The following EFCAB6 variants were observed in gnomAD, a reference collection of about 807,000 sequenced individuals.
EFCAB6 encodes the protein EF-hand calcium binding domain 6.
A neutral mutation model predicts 169.8 loss-of-function variants in EFCAB6; 156 were observed. That is an observed-to-expected ratio of 0.92 (90% CI 0.81 to 1.05). EFCAB6 has a LOEUF of 1.05. Ranked by LOEUF, EFCAB6 falls within the 50% of genes least tolerant of loss-of-function variation. The pLI, the probability that EFCAB6 is intolerant of heterozygous loss-of-function variation, is 0.00. For synonymous variants in EFCAB6, 698 were observed against 676.4 expected, an observed-to-expected ratio of 1.03 and a Z score of -0.50; for missense variants, 1,800 against 1,829.1, an observed-to-expected ratio of 0.98 and a Z score of 0.29.
At chr22:43,690,513 C>A (rs1469494537) in intron 10 of EFCAB6, among the ~76,000 whole-genome samples, 1 of 120,692 alleles carries the variant, frequency 8.3e-6, no homozygotes, top group Non-Finnish European at 1.8e-5. Context: ...AAGACTCCGT[C>A]TCAGAAAAAA....
At chr22:43,531,026 C>T in intron 30 of EFCAB6, 62 bp from the exon 31 acceptor site, 1 of 1,599,710 alleles carries the variant, frequency 6.3e-7, no homozygotes, top group Non-Finnish European at 8.5e-7. Context: ...GGGGTGGGCT[C>T]CTCCTCGCCT....
At chr22:43,697,948 C>G (rs543695834) in intron 10 of EFCAB6, among the ~76,000 whole-genome samples, 2 of 152,156 alleles carry the variant, frequency 1.3e-5, no homozygotes, top group African/African-American at 4.8e-5. Flanking sequence ...CTGATCATAT[C>G]GGTCATAGGG....
intron 15 of EFCAB6, 67 bp downstream of exon 15, chr22:43,671,906 G>C (rs2088096333): frequency 6.5e-7 from 1 of 1,550,296 alleles, no homozygotes; most frequent in African/African-American, 1.4e-5. Context: ...CACAGAAAAG[G>C]TTTAGAATTA....
chr22:43,685,812 C>T (rs2058172687), intron 11 of EFCAB6, among the ~76,000 whole-genome samples: 1 of 152,106 alleles, frequency 6.6e-6, no homozygotes, highest in Non-Finnish European at 1.5e-5. Flanking sequence ...TTCATCTGCT[C>T]ATATCTGTCA....
intron 7 of EFCAB6, 105 bp downstream of exon 7, chr22:43,735,752 G>T (rs2060112374): frequency 3.0e-6 from 4 of 1,315,336 alleles, no homozygotes; most frequent in Non-Finnish European, 4.2e-6. Flanking sequence ...GTGTGTGGCA[G>T]GGGGAGGTGA....
intron 12 of EFCAB6, 196 bp downstream of exon 12, chr22:43,683,551 C>G (rs2058081706): frequency 1.8e-5 from 10 of 562,232 alleles, no homozygotes; most frequent in Non-Finnish European, 3.2e-5. Flanking sequence ...TCCGTCTTCC[C>G]AACTAGACTC....
At chr22:43,623,914 AAAAAAAAAG>A (rs577542043) in intron 20 of EFCAB6, among the ~76,000 whole-genome samples, 5,703 of 150,018 alleles carry the variant, frequency 0.038, 115 homozygotes, top group South Asian at 0.094. Context: ...TTCTCAAAAA[AAAAAAAAAG>A]AAAAAAAAGA....
chr22:43,537,229 G>T lies in EFCAB6; in HGVS notation c.4048+148C>A. 1 of 988,328 alleles carries T rather than the reference G, an allele frequency of 1.0e-6. No individual in the cohort carries two copies. The highest frequency in any genetic ancestry group is 1.5e-6 in the Non-Finnish European group (1 of 663,328). 61.2% of individuals were successfully genotyped at this position (988,328 alleles called of 1,614,324 possible). Reference sequence around the variant, plus strand: ...CTCCATGGGGACCTTTGTATAGTAAGCTGCACAGCCCACCCAGAAGTTCCC... The same window carrying T: ...CTCCATGGGGACCTTTGTATAGTAATCTGCACAGCCCACCCAGAAGTTCCC... On this transcript the variant is annotated intron_variant, in intron 29 of 31. Coordinates refer to ENST00000262726, the MANE Select transcript of EFCAB6 (RefSeq NM_022785.4). This position sits in a 1 kb window ranked among gnomAD's most constrained non-coding sequence, Gnocchi z 4.3.
At chr22:43,599,859 T>C (rs2052363568) in intron 23 of EFCAB6, among the ~76,000 whole-genome samples, 1 of 152,174 alleles carries the variant, frequency 6.6e-6, no homozygotes, top group African/African-American at 2.4e-5. Context: ...TGATATAAGA[T>C]TGTGACTGGG....
At position 43,812,218 on chromosome 22, in the gene EFCAB6, C is replaced by A. The variant is rs377582053; in HGVS notation, c.-195G>T. The stretch of plus-strand genomic sequence containing the variant: ...CTAGCTGGGCCGGCACCCGCGTGCG[C>A]GGACCCCAAGCCGCGGGGTCTCAGA... On this transcript the variant is annotated 5_prime_UTR_variant, in exon 1 of 32. Transcript: ENST00000262726. 2 of 152,270 alleles carry A rather than the reference C, an allele frequency of 1.3e-5. No homozygotes were observed. Among genetic ancestry groups the A allele is most frequent in the African/African-American group, 4.8e-5 (2 of 41,462 alleles). The allele number at this position is 152,270 out of a possible 1,614,324, so 9.4% of individuals were successfully genotyped here. A position where few individuals can be genotyped will look rare whatever the true frequency, so the allele number is the denominator to read the frequency against.
chr22:43,580,143 G>C (rs1468870741), intron 25 of EFCAB6, among the ~76,000 whole-genome samples: 2 of 152,166 alleles, frequency 1.3e-5, no homozygotes, highest in African/African-American at 4.8e-5. Context: ...TGTGGACCCA[G>C]TGCCTGGCTG....
intron 11 of EFCAB6, among the ~76,000 whole-genome samples, chr22:43,684,182 TG>T (rs2058104723): frequency 1.3e-5 from 2 of 152,190 alleles, no homozygotes; most frequent in African/African-American, 4.8e-5. Flanking sequence ...CCTCAGTGGC[TG>T]GGAAGCTGGG....
chr22:43,687,467 AT>A lies in EFCAB6; in HGVS notation c.1142+3del. Reference sequence around the variant, plus strand: ...AATTTGTTTTTTTTTTTTTTTTTACATACCTATTTCTTTTTGTCAGGGGACC... The same window carrying A: ...AATTTGTTTTTTTTTTTTTTTTTACAACCTATTTCTTTTTGTCAGGGGACC... On this transcript the variant is annotated splice_donor_region_variant and intron_variant, in intron 11 of 31. Transcript: ENST00000262726. 1 of 1,259,966 alleles carries A rather than the reference AT, an allele frequency of 7.9e-7. No homozygotes were observed. Among genetic ancestry groups the A allele is most frequent in the Non-Finnish European group, 1.1e-6 (1 of 944,106 alleles). The allele number at this position is 1,259,966 out of a possible 1,614,324, so 78.0% of individuals were successfully genotyped here. A position where few individuals can be genotyped will look rare whatever the true frequency, so the allele number is the denominator to read the frequency against.
At chr22:43,603,066 A>T (rs1278431439) in intron 22 of EFCAB6, among the ~76,000 whole-genome samples, 1 of 152,122 alleles carries the variant, frequency 6.6e-6, no homozygotes, top group Non-Finnish European at 1.5e-5. Context: ...GGGCTAAGAA[A>T]AGTGAAGGGA....
chr22:43,622,043 G>A (rs2054147395), intron 20 of EFCAB6, among the ~76,000 whole-genome samples: 1 of 152,140 alleles, frequency 6.6e-6, no homozygotes, highest in African/African-American at 2.4e-5. Flanking sequence ...ATAGGTACAA[G>A]CCTTCCAACA....
At chr22:43,700,041 T>C (rs571092630) in intron 10 of EFCAB6, among the ~76,000 whole-genome samples, 2 of 152,362 alleles carry the variant, frequency 1.3e-5, no homozygotes, top group Non-Finnish European at 2.9e-5. Flanking sequence ...ACACAGGTTT[T>C]ATTTTTAACA....
At chr22:43,584,761 T>C (rs2050949034) in intron 24 of EFCAB6, among the ~76,000 whole-genome samples, 1 of 152,152 alleles carries the variant, frequency 6.6e-6, no homozygotes, top group African/African-American at 2.4e-5. Context: ...AGAAATGTAA[T>C]CATAAAACTA....
chr22:43,766,547 C>T (rs2061332012), intron 4 of EFCAB6, among the ~76,000 whole-genome samples: 1 of 152,040 alleles, frequency 6.6e-6, no homozygotes, highest in South Asian at 2.1e-4. Flanking sequence ...TTTTTTGAGA[C>T]TCTGTCACCC....
chr22:43,573,624 G>C (rs1031275062), intron 26 of EFCAB6, among the ~76,000 whole-genome samples: 1 of 151,758 alleles, frequency 6.6e-6, no homozygotes, highest in African/African-American at 2.4e-5. Flanking sequence ...CCAGCTACTC[G>C]GGCGGCTGAG....
Sources: allele counts gnomAD v4.1 joint callset (sites outside exome capture counted in the v4.1 genomes callset), GRCh38; gene constraint gnomAD v4.1.1; non-coding constraint Gnocchi (gnomAD v3.1); transcripts MANE v1.5; gene names NCBI Gene and HGNC (gene_info 2026-07-23, HGNC 2026-07-21).